Variants in OXR1 observed in about 807,000 individuals in gnomAD.
The protein encoded by OXR1 is oxidation resistance protein 1.
In OXR1, 41 loss-of-function variants were observed where a neutral mutation model predicts 104.6. That is an observed-to-expected ratio of 0.39 (90% CI 0.31 to 0.51). The LOEUF (loss-of-function observed/expected upper bound fraction) is 0.51. Among genes scored for constraint, OXR1 ranks in the 20% least tolerant of loss-of-function variants. OXR1 has a pLI of 0.77. For synonymous variants in OXR1, 348 were observed against 348.4 expected, an observed-to-expected ratio of 1.00 and a Z score of 0.01; for missense variants, 955 against 1,031.9, an observed-to-expected ratio of 0.93 and a Z score of 1.02.
Position 106,270,201 on chromosome 8 carries a change from C to G in OXR1, c.-305C>G, listed in dbSNP as rs936633437. Reference sequence around the variant, plus strand: ...GCATGTCTGCAAGCGCTCAGCGGCGCCGGCAGCAGCGGGGCTAGAGCTGGG... The same window carrying G: ...GCATGTCTGCAAGCGCTCAGCGGCGGCGGCAGCAGCGGGGCTAGAGCTGGG... On this transcript the variant is annotated 5_prime_UTR_variant, in exon 1 of 17. Transcript: ENST00000517566. 5.3e-5 allele frequency: 8 copies of G among 152,216 alleles called. No homozygotes were observed. Among genetic ancestry groups the G allele is most frequent in the Non-Finnish European group, 1.0e-4 (7 of 68,080 alleles). 9.4% of individuals were successfully genotyped at this position (152,216 alleles called of 1,614,324 possible). A position where few individuals can be genotyped will look rare whatever the true frequency, so the allele number is the denominator to read the frequency against.
chr8:106,617,193 C>T (rs772429779), intron 3 of OXR1, among the ~76,000 whole-genome samples: 2 of 152,126 alleles, frequency 1.3e-5, no homozygotes, highest in African/African-American at 4.8e-5. Flanking sequence ...GAGGCCAAGG[C>T]GAGTGGACCA....
chr8:106,287,096 TA>T (rs1298623952), intron 1 of OXR1, among the ~76,000 whole-genome samples: 6 of 152,112 alleles, frequency 3.9e-5, no homozygotes, highest in South Asian at 2.1e-4. Flanking sequence ...AATACGGTAA[TA>T]AAAATGAGCA....
At chr8:106,302,768 T>C (rs1011829230) in intron 1 of OXR1, among the ~76,000 whole-genome samples, 1 of 152,184 alleles carries the variant, frequency 6.6e-6, no homozygotes, top group African/African-American at 2.4e-5. Flanking sequence ...GTTTGTTTTT[T>C]TGAGACAGAG....
chr8:106,642,543 A>G (rs939957186), intron 3 of OXR1, among the ~76,000 whole-genome samples: 1 of 152,170 alleles, frequency 6.6e-6, no homozygotes, highest in Admixed American at 6.5e-5. Flanking sequence ...GGAGATCACC[A>G]ATAGGGACTC....
chr8:106,663,787 T>C (rs1278143453), intron 3 of OXR1, among the ~76,000 whole-genome samples: 1 of 152,180 alleles, frequency 6.6e-6, no homozygotes. Context: ...TGGAACAGTT[T>C]CATTGAGAAG....
In OXR1 at chr8:106,331,947, T is replaced by A. The variant is rs567272745; in HGVS notation, c.-138-27529T>A. ...CGAGACTCTGTCTCAAAAAAAAAAA[T>A]GATAATTCTTTTGGCATTCTTTGTT... On this transcript the variant is annotated intron_variant, in intron 1 of 16. Coordinates refer to ENST00000517566, the MANE Select transcript of OXR1 (RefSeq NM_001198533.2). 4.6e-3 allele frequency among the ~76,000 whole-genome samples: 634 copies of A among 136,740 alleles called. 3 individuals are homozygous for A. Among genetic ancestry groups the A allele is most frequent in the African/African-American group, 0.016 (538 of 33,558 alleles). 89.7% of individuals were successfully genotyped at this position (136,740 alleles called of 152,430 possible).
chr8:106,379,578 A>G (rs1817055287), intron 2 of OXR1, among the ~76,000 whole-genome samples: 1 of 119,078 alleles, frequency 8.4e-6, no homozygotes, highest in African/African-American at 3.5e-5. Context: ...TCTCTCTGTC[A>G]CCCCGACTAG....
chr8:106,355,506 G>C (rs891166095), intron 1 of OXR1, among the ~76,000 whole-genome samples: 3 of 151,854 alleles, frequency 2.0e-5, no homozygotes, highest in African/African-American at 7.3e-5. Context: ...AACTCAGTAA[G>C]CTTTGAGTGC....
At chr8:106,515,992 C>T (rs1476443573) in intron 2 of OXR1, among the ~76,000 whole-genome samples, 2 of 152,088 alleles carry the variant, frequency 1.3e-5, no homozygotes, top group Non-Finnish European at 2.9e-5. Context: ...CTCTTGGCCT[C>T]ATTTAAGAAC....
chr8:106,418,986 G>T (rs145279541), intron 2 of OXR1, among the ~76,000 whole-genome samples: 22 of 152,170 alleles, frequency 1.4e-4, no homozygotes, highest in African/African-American at 5.3e-4. Context: ...CATAACCAAC[G>T]CTCATAACCA....
At chr8:106,384,734 T>C (rs1817299985) in intron 2 of OXR1, among the ~76,000 whole-genome samples, 1 of 149,518 alleles carries the variant, frequency 6.7e-6, no homozygotes, top group Non-Finnish European at 1.5e-5. Context: ...CTTTTTTCTT[T>C]TTTTTTTTTT....
At chr8:106,354,104 AT>A (rs200247407) in intron 1 of OXR1, among the ~76,000 whole-genome samples, 126 of 141,578 alleles carry the variant, frequency 8.9e-4, no homozygotes, top group African/African-American at 9.2e-4. Context: ...CCCTTTGCCC[AT>A]TTTTTTTTTT....
At chr8:106,331,893 G>A (rs1038715282) in intron 1 of OXR1, among the ~76,000 whole-genome samples, 2 of 151,032 alleles carry the variant, frequency 1.3e-5, no homozygotes, top group Non-Finnish European at 2.9e-5. Context: ...AGACAAGAAC[G>A]CACCACTGCA....
intron 3 of OXR1, among the ~76,000 whole-genome samples, chr8:106,650,661 T>A (rs985117502): frequency 6.6e-6 from 1 of 152,190 alleles, no homozygotes; most frequent in Non-Finnish European, 1.5e-5. Flanking sequence ...AGGCTCTCTC[T>A]CATCACACCC....
chr8:106,276,845 T>C (rs1401137284), intron 1 of OXR1, among the ~76,000 whole-genome samples: 1 of 152,098 alleles, frequency 6.6e-6, no homozygotes, highest in Admixed American at 6.5e-5. Flanking sequence ...AAACGCCTTT[T>C]TATTTTTTCC....
intron 2 of OXR1, among the ~76,000 whole-genome samples, chr8:106,406,722 G>A (rs960848161): frequency 6.6e-6 from 1 of 152,154 alleles, no homozygotes; most frequent in African/African-American, 2.4e-5. Flanking sequence ...GTAGAGTACA[G>A]AGGATTTTTA....
intron 1 of OXR1, among the ~76,000 whole-genome samples, chr8:106,288,177 G>A (rs967357530): frequency 2.6e-5 from 4 of 152,290 alleles, no homozygotes; most frequent in African/African-American, 9.6e-5. Flanking sequence ...AGTACTGGCA[G>A]GTGAAGTGTA....
At chr8:106,417,043 C>T (rs1028761675) in intron 2 of OXR1, among the ~76,000 whole-genome samples, 1 of 151,990 alleles carries the variant, frequency 6.6e-6, no homozygotes, top group African/African-American at 2.4e-5. Context: ...TATAAGGAGA[C>T]TTTAGGAATA....
Position 106,750,324 on chromosome 8 carries a change from CTT to C in OXR1, c.2487-465_2487-464del, listed in dbSNP as rs35858491. 6.2e-4 allele frequency among the ~76,000 whole-genome samples: 86 copies of C among 138,182 alleles called. 4 individuals carry two copies. Among genetic ancestry groups the C allele is most frequent in the East Asian group, 4.3e-3 (20 of 4,704 alleles). 90.7% of individuals were successfully genotyped at this position (138,182 alleles called of 152,430 possible). On this transcript the variant is annotated intron_variant, in intron 16 of 16. Transcript: ENST00000517566. ...TAATTTTTTTCTTTTCTTTTCTTTT[CTT>C]TTTTTTTTTTTTTTTTGAGACAGAG...
Sources: gnomAD v4.1 joint callset for allele counts (sites outside exome capture counted in the v4.1 genomes callset) on GRCh38, gnomAD v4.1.1 for gene constraint, MANE v1.5 for transcripts, NCBI Gene and HGNC (gene_info 2026-07-23, HGNC 2026-07-21) for gene names.